The following BRCA1 variants were observed in gnomAD, a reference collection of about 807,000 sequenced individuals.
The protein encoded by BRCA1 is BRCA1 DNA repair associated, also known as breast cancer type 1 susceptibility protein.
A neutral mutation model predicts 173.7 loss-of-function variants in BRCA1; 140 were observed. The ratio of observed to expected loss-of-function variants is 0.81; its 90% CI spans 0.70 to 0.93. The LOEUF (loss-of-function observed/expected upper bound fraction) is 0.93. BRCA1 is among the 40% of genes least tolerant of loss of function. The pLI, the probability that BRCA1 is intolerant of heterozygous loss-of-function variation, is 0.00. For missense variants in BRCA1, 1,983 were observed against 2,172.5 expected (o/e 0.91, Z 1.73); for synonymous variants, 662 against 756.0 (o/e 0.88, Z 2.04).
intron 16 of BRCA1, among the ~76,000 whole-genome samples, chr17:43,065,790 T>C (rs574285625): frequency 2.7e-4 from 41 of 152,362 alleles, no homozygotes; most frequent in African/African-American, 9.6e-4. Context: ...GCGTCCTCCA[T>C]GCACTCGTCT....
chr17:43,054,392 G>A (rs1426366966), intron 19 of BRCA1, among the ~76,000 whole-genome samples: 1 of 152,174 alleles, frequency 6.6e-6, no homozygotes, highest in Non-Finnish European at 1.5e-5. Context: ...TACCTCTACT[G>A]GTTCCCTCTT....
chr17:43,084,670 C>A (rs759429870), intron 11 of BRCA1, among the ~76,000 whole-genome samples: 1 of 152,108 alleles, frequency 6.6e-6, no homozygotes, highest in Non-Finnish European at 1.5e-5. Flanking sequence ...GTTTTTATGA[C>A]CAGAAAATGT....
intron 1 of BRCA1, among the ~76,000 whole-genome samples, chr17:43,143,183 C>T (rs1041433629): frequency 9.2e-5 from 14 of 151,378 alleles, no homozygotes; most frequent in African/African-American, 2.7e-4. Flanking sequence ...TCAGGTGATC[C>T]GCCTGCCTTG....
chr17:43,167,112 G>GC (rs1209543399), intron 1 of BRCA1: 1 of 152,356 alleles, frequency 6.6e-6, no homozygotes, highest in Non-Finnish European at 1.5e-5. Context: ...AACCAGGAGC[G>GC]CCCTCAGGAT....
At chr17:43,057,540 A>G (rs1319772222) in intron 18 of BRCA1, among the ~76,000 whole-genome samples, 1 of 149,984 alleles carries the variant, frequency 6.7e-6, no homozygotes, top group East Asian at 2.0e-4. Context: ...ATAAAATTAA[A>G]AAAAAAAAAA....
In BRCA1 at chr17:43,063,413, A is replaced by G. The variant is rs760559327; in HGVS notation, c.5153-40T>C. Reference sequence around the variant, plus strand: ...GAAAAGACAGGTTACATACAGCAGAAGAACGTGCTCTTTTCACGGAGATAG... The same window carrying G: ...GAAAAGACAGGTTACATACAGCAGAGGAACGTGCTCTTTTCACGGAGATAG... On this transcript the variant is annotated intron_variant, in intron 17 of 22. Transcript: ENST00000357654. The G allele has an allele frequency of 5.2e-6, 8 of 1,544,984 alleles. No homozygotes were observed. The highest frequency in any genetic ancestry group is 1.4e-5 in the African/African-American group (1 of 73,514).
upstream of BRCA1, chr17:43,125,621 G>C: frequency 7.1e-6 from 2 of 280,270 alleles, no homozygotes; most frequent in Non-Finnish European, 7.1e-6. Context: ...TAAAGTGCCT[G>C]CCCTCTAGCC....
chr17:43,139,026 T>G, intron 1 of BRCA1: 1 of 756,812 alleles, frequency 1.3e-6, no homozygotes, highest in South Asian at 1.4e-5. Context: ...AACCCCTTTT[T>G]GTTTGAAATA....
chr17:43,074,652 C>G, intron 13 of BRCA1, 131 bp from the exon 14 acceptor site: 1 of 820,428 alleles, frequency 1.2e-6, no homozygotes. Context: ...CAAAAAAGAG[C>G]CCGCAAGACA....
chr17:43,056,114 A>G (rs1228613734), intron 19 of BRCA1, among the ~76,000 whole-genome samples: 1 of 152,210 alleles, frequency 6.6e-6, no homozygotes, highest in East Asian at 1.9e-4. Flanking sequence ...GAGTTGTCAT[A>G]AAATTGTTAA....
chr17:43,106,634 C>A, intron 3 of BRCA1, 101 bp from the exon 4 acceptor site: 1 of 835,562 alleles, frequency 1.2e-6, no homozygotes, highest in Non-Finnish European at 1.9e-6. Context: ...TCACAACTGC[C>A]CTTAAGAGCC....
chr17:43,060,756 C>T (rs2051715407), intron 18 of BRCA1, among the ~76,000 whole-genome samples: 1 of 152,030 alleles, frequency 6.6e-6, no homozygotes, highest in South Asian at 2.1e-4. Flanking sequence ...ATTTGCCTGC[C>T]TTGGCTTCCC....
rs80356962 is a variant in BRCA1, at chr17:43,047,666, C to T, written c.5444G>A (p.Trp1815Ter). The T allele has an allele frequency of 2.5e-6, 4 of 1,614,094 alleles. No homozygotes were observed. The highest frequency in any genetic ancestry group is 1.6e-4 in the Middle Eastern group (1 of 6,084). ...ACCATGGAAGCCATTGTCCTCTGTCCAGGCATCTGGCTGCACAACCACAAT... is the reference window on the plus strand; with the variant it reads ...ACCATGGAAGCCATTGTCCTCTGTCTAGGCATCTGGCTGCACAACCACAAT... ...HPIVVVQPDA[W>*]TEDNGFHAIG... Residue 1815 changes from tryptophan to a stop codon, truncating the protein, a stop_gained, in exon 22 of 23, where the codon TGG becomes TAG. Transcript: ENST00000357654. LOFTEE classifies it high-confidence loss of function.
intron 3 of BRCA1, among the ~76,000 whole-genome samples, chr17:43,107,062 A>AT (rs35202419): frequency 0.15 from 19,564 of 126,784 alleles, 4,580 homozygotes; most frequent in African/African-American, 0.5. Context: ...TACCAAGACA[A>AT]TTTTTTTTTT....
chr17:43,114,072 C>T (rs1436395740), intron 3 of BRCA1, among the ~76,000 whole-genome samples: 1 of 139,480 alleles, frequency 7.2e-6, no homozygotes, highest in Non-Finnish European at 1.5e-5. Context: ...GAAACACCAT[C>T]TCAAAAAAAA....
intron 2 of BRCA1, among the ~76,000 whole-genome samples, chr17:43,118,446 G>C (rs8176088): frequency 6.6e-6 from 1 of 150,996 alleles, no homozygotes; most frequent in African/African-American, 2.4e-5. Flanking sequence ...GCACCATCTC[G>C]GCTCTCTGTA....
intron 3 of BRCA1, among the ~76,000 whole-genome samples, chr17:43,115,230 G>A (rs2055207527): frequency 6.6e-6 from 1 of 152,144 alleles, no homozygotes; most frequent in Non-Finnish European, 1.5e-5. Context: ...TCAGTCGGGT[G>A]TGGTGGCTCA....
At chr17:43,072,995 G>A (rs543867657) in intron 14 of BRCA1, among the ~76,000 whole-genome samples, 1 of 152,028 alleles carries the variant, frequency 6.6e-6, no homozygotes, top group East Asian at 2.0e-4. Context: ...GAGATTACAG[G>A]CATGAGCAGT....
At chr17:43,057,221 G>T in intron 18 of BRCA1, 86 bp from the exon 19 acceptor site, 1 of 1,358,580 alleles carries the variant, frequency 7.4e-7, no homozygotes, top group Non-Finnish European at 1.1e-6. Context: ...CATATTTAAG[G>T]CATTCAGGCC....
Sources: allele counts gnomAD v4.1 joint callset (sites outside exome capture counted in the v4.1 genomes callset), GRCh38; gene constraint gnomAD v4.1.1; transcripts MANE v1.5; gene names NCBI Gene and HGNC (gene_info 2026-07-23, HGNC 2026-07-21).